The following PELI2 variants were observed in gnomAD, a reference collection of about 807,000 sequenced individuals.
PELI2 encodes E3 ubiquitin-protein ligase pellino homolog 2.
A neutral mutation model predicts 42.3 loss-of-function variants in PELI2; 23 were observed. The ratio of observed to expected loss-of-function variants is 0.54; its 90% CI spans 0.39 to 0.77. The LOEUF (loss-of-function observed/expected upper bound fraction) is 0.77. Ranked by LOEUF, PELI2 falls within the 30% of genes least tolerant of loss-of-function variation. The pLI is 0.00. For synonymous variants in PELI2, 245 were observed against 212.2 expected, an observed-to-expected ratio of 1.15 and a Z score of -1.34; for missense variants, 463 against 553.2, an observed-to-expected ratio of 0.84 and a Z score of 1.64.
At chr14:56,150,519 GTATT>G (rs1481506858) in intron 1 of PELI2, among the ~76,000 whole-genome samples, 5 of 151,940 alleles carry the variant, frequency 3.3e-5, no homozygotes, top group African/African-American at 4.8e-5. Context: ...GAGTAGTAGA[GTATT>G]TATTTATTAA....
At chr14:56,175,206 G>T (rs1186699270) in intron 1 of PELI2, among the ~76,000 whole-genome samples, 1 of 152,102 alleles carries the variant, frequency 6.6e-6, no homozygotes. Context: ...ACATTGCCCA[G>T]GCTGGTCTCG....
At chr14:56,138,409 C>T (rs1382918118) in intron 1 of PELI2, among the ~76,000 whole-genome samples, 1 of 151,802 alleles carries the variant, frequency 6.6e-6, no homozygotes, top group African/African-American at 2.4e-5. Context: ...AGCATTTCCT[C>T]TCTTAGGTGT....
chr14:56,241,283 T>TAAAAAAAA (rs1411348865), intron 2 of PELI2, among the ~76,000 whole-genome samples: 10 of 151,866 alleles, frequency 6.6e-5, no homozygotes, highest in Admixed American at 2.6e-4. Flanking sequence ...CTCTTAAGAT[T>TAAAAAAAA]TAAAAAAATC....
At chr14:56,139,071 C>A (rs904129853) in intron 1 of PELI2, among the ~76,000 whole-genome samples, 7 of 152,318 alleles carry the variant, frequency 4.6e-5, no homozygotes, top group Non-Finnish European at 1.0e-4. Flanking sequence ...GGGGGACTCA[C>A]TGAATAAGCC....
chr14:56,267,704 A>G (rs1405178474), intron 2 of PELI2, among the ~76,000 whole-genome samples: 2 of 152,180 alleles, frequency 1.3e-5, no homozygotes, highest in East Asian at 1.9e-4. Flanking sequence ...GAGATTCTTC[A>G]GCAGATGGAC....
chr14:56,290,777 T>C (rs183608450), intron 5 of PELI2, among the ~76,000 whole-genome samples: 2 of 152,310 alleles, frequency 1.3e-5, no homozygotes, highest in Admixed American at 6.5e-5. Flanking sequence ...ATTTTTAGTG[T>C]AAAACTTTAT....
intron 2 of PELI2, among the ~76,000 whole-genome samples, chr14:56,191,236 C>T (rs1320044812): frequency 2.6e-5 from 4 of 152,138 alleles, no homozygotes; most frequent in Admixed American, 6.5e-5. Context: ...TGAGCAACAC[C>T]CAGCTAGGAC....
rs748115954 is a variant in PELI2, at chr14:56,118,637, GCGT to G, written c.-21_-19del. The G allele has an allele frequency of 1.8e-5, 25 of 1,361,518 alleles. No homozygotes were observed. Among genetic ancestry groups the G allele is most frequent in the South Asian group, 1.2e-4 (7 of 59,646 alleles). The allele number at this position is 1,361,518 out of a possible 1,614,324, so 84.3% of individuals were successfully genotyped here. A position where few individuals can be genotyped will look rare whatever the true frequency, so the allele number is the denominator to read the frequency against. On this transcript the variant is annotated 5_prime_UTR_variant, in exon 1 of 6. Transcript: ENST00000267460. ...GGCGGAGGCGGCGGCGTCGGCGGCG[GCGT>G]CGGCGGCCGAGCGGGGCTCCATGTT... is the stretch of plus-strand genomic sequence containing the variant.
intron 1 of PELI2, among the ~76,000 whole-genome samples, chr14:56,176,510 C>G (rs1386800406): frequency 6.6e-6 from 1 of 152,126 alleles, no homozygotes; most frequent in Non-Finnish European, 1.5e-5. Flanking sequence ...TTAACATGCT[C>G]CCCCTAACTG....
At chr14:56,281,348 A>G (rs1889475183) in intron 3 of PELI2, among the ~76,000 whole-genome samples, 1 of 152,148 alleles carries the variant, frequency 6.6e-6, no homozygotes, top group Non-Finnish European at 1.5e-5. Flanking sequence ...ATGATTATTA[A>G]ATGGGAAGCG....
At chr14:56,186,128 A>G (rs1885761125) in intron 2 of PELI2, among the ~76,000 whole-genome samples, 1 of 152,192 alleles carries the variant, frequency 6.6e-6, no homozygotes. Flanking sequence ...ATGTGAGGGA[A>G]GAAGGAGCAG....
At chr14:56,202,771 T>C (rs1196154398) in intron 2 of PELI2, among the ~76,000 whole-genome samples, 1 of 152,186 alleles carries the variant, frequency 6.6e-6, no homozygotes, top group Non-Finnish European at 1.5e-5. Flanking sequence ...TGAAGTCTTT[T>C]TGACAACATC....
At chr14:56,284,509 A>T (rs1889585317) in intron 3 of PELI2, among the ~76,000 whole-genome samples, 2 of 152,178 alleles carry the variant, frequency 1.3e-5, no homozygotes, top group South Asian at 4.1e-4. Flanking sequence ...ACGCGGTGCT[A>T]CAAGGCCTAA....
chr14:56,173,940 C>T (rs900746430), intron 1 of PELI2, among the ~76,000 whole-genome samples: 10 of 152,204 alleles, frequency 6.6e-5, no homozygotes, highest in Admixed American at 1.3e-4. Flanking sequence ...CTTGCTCTGT[C>T]GCCCAGGCTG....
intron 2 of PELI2, among the ~76,000 whole-genome samples, chr14:56,235,167 A>C (rs912439424): frequency 3.9e-5 from 6 of 152,026 alleles, no homozygotes; most frequent in African/African-American, 1.5e-4. Flanking sequence ...GGCAAAAACC[A>C]CAATTTCTTT....
At chr14:56,195,384 G>A (rs1402340844) in intron 2 of PELI2, among the ~76,000 whole-genome samples, 1 of 152,172 alleles carries the variant, frequency 6.6e-6, no homozygotes. Context: ...ACTGCCAGGA[G>A]AGAGCAGAGC....
intron 1 of PELI2, among the ~76,000 whole-genome samples, chr14:56,167,418 A>G (rs1885001650): frequency 6.6e-6 from 1 of 151,978 alleles, no homozygotes; most frequent in African/African-American, 2.4e-5. Flanking sequence ...TCTTCAGGCT[A>G]ACAAATTCTT....
At chr14:56,168,067 T>C (rs1885027043) in intron 1 of PELI2, among the ~76,000 whole-genome samples, 1 of 151,878 alleles carries the variant, frequency 6.6e-6, no homozygotes, top group Non-Finnish European at 1.5e-5. Flanking sequence ...GGGGGTGGAG[T>C]GACACAAGCA....
intron 2 of PELI2, among the ~76,000 whole-genome samples, chr14:56,258,033 C>A (rs1888581678): frequency 6.6e-6 from 1 of 152,162 alleles, no homozygotes; most frequent in African/African-American, 2.4e-5. Context: ...ATAGGCTGAA[C>A]AACTTCTGTA....
Sources: allele counts gnomAD v4.1 joint callset (sites outside exome capture counted in the v4.1 genomes callset), GRCh38; gene constraint gnomAD v4.1.1; transcripts MANE v1.5; gene names NCBI Gene and HGNC (gene_info 2026-07-23, HGNC 2026-07-21).